ADCY5: variants seen among roughly 807,000 people sequenced by gnomAD.
The protein encoded by ADCY5 is adenylate cyclase type 5.
A neutral mutation model predicts 119.7 loss-of-function variants in ADCY5; 30 were observed. The observed-to-expected ratio is 0.25, with a 90% CI of 0.19 to 0.34. The LOEUF (loss-of-function observed/expected upper bound fraction) is 0.34. ADCY5 is among the 10% of genes least tolerant of loss of function. The probability of loss-of-function intolerance (pLI) is 1.00; values close to 1 mark genes in which losing one functional copy is unlikely to be tolerated. For missense variants in ADCY5, 1,324 were observed against 1,775.2 expected (o/e 0.75, Z 4.57); for synonymous variants, 753 against 762.2 (o/e 0.99, Z 0.20).
chr3:123,386,654 AT>A (rs1262714526), intron 1 of ADCY5, among the ~76,000 whole-genome samples: 1 of 151,972 alleles, frequency 6.6e-6, no homozygotes, highest in Non-Finnish European at 1.5e-5. Flanking sequence ...ATGGGCCCAA[AT>A]CTGTTAGCCA....
intron 2 of ADCY5, among the ~76,000 whole-genome samples, chr3:123,351,775 G>A (rs772391498): frequency 6.6e-5 from 10 of 152,204 alleles, no homozygotes; most frequent in Non-Finnish European, 1.2e-4. Flanking sequence ...GACCCCTGAT[G>A]TGGCCCTCAG....
At chr3:123,396,164 AAG>A (rs1944555911) in intron 1 of ADCY5, among the ~76,000 whole-genome samples, 1 of 136,936 alleles carries the variant, frequency 7.3e-6, no homozygotes, top group South Asian at 2.8e-4. Context: ...AAGAAAAGAA[AAG>A]AGAAGAAGGG....
intron 3 of ADCY5, among the ~76,000 whole-genome samples, chr3:123,343,599 A>G (rs747127502): frequency 3.3e-5 from 5 of 152,060 alleles, no homozygotes; most frequent in Non-Finnish European, 7.4e-5. Context: ...TCTGGCTGAG[A>G]AGGCTGAGGC....
chr3:123,337,948 T>C (rs1015083439), intron 3 of ADCY5, among the ~76,000 whole-genome samples: 6 of 152,202 alleles, frequency 3.9e-5, no homozygotes, highest in Non-Finnish European at 8.8e-5. Context: ...GTCTCAAGCA[T>C]GTCACCTGAG....
In ADCY5 at chr3:123,304,204, G is replaced by T. The variant is rs376027155; in HGVS notation, c.2443-21C>A. On this transcript the variant is annotated intron_variant, in intron 12 of 20. Coordinates refer to ENST00000462833, the MANE Select transcript of ADCY5 (RefSeq NM_183357.3). ...AAGAGCTAGGGTGGGGGCAGGGGTG[G>T]AGAGGGAGGGAGGGAGAGACGGAAT... 2.0e-5 allele frequency: 16 copies of T among 818,610 alleles called. No homozygotes were observed. The East Asian group carries it at 3.8e-4, about 20-fold the overall frequency. 50.7% of individuals were successfully genotyped at this position (818,610 alleles called of 1,614,324 possible). A position where few individuals can be genotyped will look rare whatever the true frequency, so the allele number is the denominator to read the frequency against.
intron 12 of ADCY5, among the ~76,000 whole-genome samples, chr3:123,310,451 G>A (rs975951695): frequency 2.0e-5 from 3 of 152,164 alleles, no homozygotes; most frequent in Non-Finnish European, 4.4e-5. Flanking sequence ...ATCCCTGGAG[G>A]TGATCAAGCA....
rs1350392838 is a variant in ADCY5, at chr3:123,283,955, T to TTTAA, written c.*649_*652dup. The TTTAA allele has an allele frequency of 2.6e-5, 4 of 152,280 alleles. No individual in the cohort carries two copies. The highest frequency in any genetic ancestry group is 9.6e-5 in the African/African-American group (4 of 41,460). The allele number at this position is 152,280 out of a possible 1,614,324, so 9.4% of individuals were successfully genotyped here. On this transcript the variant is annotated 3_prime_UTR_variant, in exon 21 of 21. Transcript: ENST00000462833. ...GGCACGGAGAACTTGTTTTGTTTTA[T>TTTAA]TTAATAAATATTTTTCTCAGAATCA...
intron 3 of ADCY5, among the ~76,000 whole-genome samples, chr3:123,342,330 A>G (rs1425809543): frequency 5.3e-5 from 8 of 152,230 alleles, no homozygotes; most frequent in Admixed American, 5.2e-4. Flanking sequence ...TGGGGAATGC[A>G]GCCAAGTCCT....
intron 3 of ADCY5, among the ~76,000 whole-genome samples, chr3:123,338,495 G>A (rs1942125747): frequency 6.6e-6 from 1 of 152,178 alleles, no homozygotes; most frequent in Non-Finnish European, 1.5e-5. Flanking sequence ...AGGATTTCCT[G>A]ATCTGCCCCG....
intron 1 of ADCY5, among the ~76,000 whole-genome samples, chr3:123,429,180 G>A (rs1945469959): frequency 6.6e-6 from 1 of 152,202 alleles, no homozygotes; most frequent in Non-Finnish European, 1.5e-5. Flanking sequence ...CCCAAAAGTA[G>A]ATTTCCATCA....
intron 11 of ADCY5, among the ~76,000 whole-genome samples, chr3:123,314,884 C>T (rs770584762): frequency 1.4e-4 from 21 of 150,010 alleles, no homozygotes; most frequent in Admixed American, 4.6e-4. Flanking sequence ...AGCGCCACCC[C>T]CTTTCCACCG....
At chr3:123,395,601 A>G (rs1324182522) in intron 1 of ADCY5, among the ~76,000 whole-genome samples, 3 of 152,086 alleles carry the variant, frequency 2.0e-5, no homozygotes, top group East Asian at 3.9e-4. Flanking sequence ...TCAGCCAGGC[A>G]TGGTGGCTCA....
chr3:123,288,850 C>T (rs1479425436), intron 19 of ADCY5, among the ~76,000 whole-genome samples: 1 of 152,202 alleles, frequency 6.6e-6, no homozygotes, highest in African/African-American at 2.4e-5. Context: ...CCGGACACCA[C>T]AGAGGTATCG....
intron 1 of ADCY5, among the ~76,000 whole-genome samples, chr3:123,427,292 A>G (rs1033696111): frequency 2.6e-5 from 4 of 152,052 alleles, no homozygotes; most frequent in African/African-American, 9.7e-5. Flanking sequence ...GACCATATCT[A>G]TTTACTCTCC....
intron 1 of ADCY5, among the ~76,000 whole-genome samples, chr3:123,445,831 G>A (rs1945803318): frequency 6.6e-6 from 1 of 152,180 alleles, no homozygotes; most frequent in South Asian, 2.1e-4. Context: ...GAGAATAGAG[G>A]AGGAAAAACA....
At chr3:123,342,429 T>C (rs1468940114) in intron 3 of ADCY5, among the ~76,000 whole-genome samples, 1 of 152,124 alleles carries the variant, frequency 6.6e-6, no homozygotes, top group Admixed American at 6.5e-5. Context: ...CCCAAGACCC[T>C]GCCCCACCCC....
rs555131243 is a variant in ADCY5, at chr3:123,445,466, T to C, written c.1134+1946A>G. On this transcript the variant is annotated intron_variant, in intron 1 of 20. Coordinates refer to ENST00000462833, the MANE Select transcript of ADCY5 (RefSeq NM_183357.3). ...GTTCACAAAATACCCTGAACTATCC[T>C]GAAAATCTCCATATGGATGACATGC... is the stretch of plus-strand genomic sequence containing the variant. Among the ~76,000 whole-genome samples, 4 of 151,784 alleles carry C rather than the reference T, an allele frequency of 2.6e-5. No individual in the cohort carries two copies. In the South Asian group the frequency reaches 8.3e-4, roughly 32 times the overall value.
intron 1 of ADCY5, among the ~76,000 whole-genome samples, chr3:123,379,938 C>T (rs976249900): frequency 6.6e-6 from 1 of 152,164 alleles, no homozygotes; most frequent in Admixed American, 6.5e-5. Flanking sequence ...GAGAAGCCAA[C>T]TCAACCCAAG....
chr3:123,383,759 CCACATCCA>C (rs971314159), intron 1 of ADCY5, among the ~76,000 whole-genome samples: 1 of 152,096 alleles, frequency 6.6e-6, no homozygotes, highest in African/African-American at 2.4e-5. Context: ...AAGCCCATAT[CCACATCCA>C]CACATGCAGG....
Sources: gnomAD v4.1 joint callset for allele counts (sites outside exome capture counted in the v4.1 genomes callset) on GRCh38, gnomAD v4.1.1 for gene constraint, MANE v1.5 for transcripts, NCBI Gene and HGNC (gene_info 2026-07-23, HGNC 2026-07-21) for gene names.